REV3L: variants seen among roughly 807,000 people sequenced by gnomAD.
REV3L encodes the protein DNA polymerase zeta catalytic subunit.
A neutral mutation model predicts 299.4 loss-of-function variants in REV3L; 69 were observed. That is an observed-to-expected ratio of 0.23 (90% CI 0.19 to 0.28). REV3L has a LOEUF of 0.28. Among genes scored for constraint, REV3L ranks in the 10% least tolerant of loss-of-function variants. The pLI is 1.00. For synonymous variants in REV3L, 1,238 were observed against 1,271.4 expected, an observed-to-expected ratio of 0.97 and a Z score of 0.56; for missense variants, 3,128 against 3,693.8, an observed-to-expected ratio of 0.85 and a Z score of 3.97.
intron 1 of REV3L, among the ~76,000 whole-genome samples, chr6:111,423,989 G>C (rs1484581864): frequency 6.6e-6 from 1 of 152,210 alleles, no homozygotes; most frequent in African/African-American, 2.4e-5. Context: ...TTAAGAAAGA[G>C]ATCTGAGCTA....
intron 1 of REV3L, among the ~76,000 whole-genome samples, chr6:111,450,534 A>T (rs1789408832): frequency 6.6e-6 from 1 of 151,002 alleles, no homozygotes; most frequent in Admixed American, 6.7e-5. Flanking sequence ...CCTATGTTAC[A>T]TCTTTAAGCA....
chr6:111,467,461 T>C (rs549733302), intron 1 of REV3L, among the ~76,000 whole-genome samples: 12 of 152,328 alleles, frequency 7.9e-5, no homozygotes, highest in African/African-American at 2.9e-4. Context: ...AACATACCCA[T>C]GTGGTTGATT....
At chr6:111,357,885 G>A (rs1028374432) in intron 17 of REV3L, among the ~76,000 whole-genome samples, 7 of 152,116 alleles carry the variant, frequency 4.6e-5, no homozygotes, top group Non-Finnish European at 1.0e-4. Context: ...ATTTCATGAT[G>A]TAAGGACCCC....
intron 18 of REV3L, among the ~76,000 whole-genome samples, chr6:111,355,657 A>G (rs979548067): frequency 6.6e-6 from 1 of 152,156 alleles, no homozygotes; most frequent in African/African-American, 2.4e-5. Flanking sequence ...TAATCCTATC[A>G]TTGGGAATAT....
chr6:111,311,033 A>G, intron 29 of REV3L, 36 bp downstream of exon 29: 4 of 1,537,410 alleles, frequency 2.6e-6, no homozygotes, highest in Non-Finnish European at 3.5e-6. Flanking sequence ...GCAGAATCTC[A>G]GGACTATCCT....
intron 1 of REV3L, among the ~76,000 whole-genome samples, chr6:111,442,216 T>C (rs994024983): frequency 1.3e-5 from 2 of 152,368 alleles, no homozygotes; most frequent in East Asian, 1.9e-4. Context: ...ACTGATTTTC[T>C]ACCCACTTGT....
intron 2 of REV3L, among the ~76,000 whole-genome samples, chr6:111,413,661 G>A (rs1784478477): frequency 6.6e-6 from 1 of 151,712 alleles, no homozygotes; most frequent in African/African-American, 2.4e-5. Flanking sequence ...TAGAATGAAT[G>A]GGAAGGAAAA....
chr6:111,435,160 T>C (rs1485084621), intron 1 of REV3L, among the ~76,000 whole-genome samples: 1 of 152,168 alleles, frequency 6.6e-6, no homozygotes, highest in East Asian at 1.9e-4. Context: ...GAACTGTATG[T>C]AATTGCACCA....
At chr6:111,385,575 G>C (rs1247689717) in intron 9 of REV3L, among the ~76,000 whole-genome samples, 1 of 151,590 alleles carries the variant, frequency 6.6e-6, no homozygotes, top group African/African-American at 2.4e-5. Context: ...AAGGAATATT[G>C]GTAAACTTGA....
Position 111,299,903 on chromosome 6 carries a change from G to C in REV3L, c.*113C>G. ...AGCATAGAAGTCTTCATAGTCTTCA[G>C]ATAACAGACAGTGAACATCCTTGAC... On this transcript the variant is annotated 3_prime_UTR_variant, in exon 32 of 32. Coordinates refer to ENST00000368802, the MANE Select transcript of REV3L (RefSeq NM_001372078.1). 1.9e-6 allele frequency: 2 copies of C among 1,029,974 alleles called. No homozygotes were observed. The highest frequency in any genetic ancestry group is 2.8e-6 in the Non-Finnish European group (2 of 716,320). 63.8% of individuals were successfully genotyped at this position (1,029,974 alleles called of 1,614,324 possible). A position where few individuals can be genotyped will look rare whatever the true frequency, so the allele number is the denominator to read the frequency against.
intron 1 of REV3L, among the ~76,000 whole-genome samples, chr6:111,479,446 C>A (rs1793344227): frequency 6.6e-6 from 1 of 151,442 alleles, no homozygotes; most frequent in South Asian, 2.1e-4. Flanking sequence ...AATCAATATC[C>A]TCAGTTGGCA....
chr6:111,307,891 T>TCATCA (rs758979903), intron 30 of REV3L: 102 of 302,912 alleles, frequency 3.4e-4, no homozygotes, highest in Non-Finnish European at 7.0e-5. Flanking sequence ...ACCCATCAAC[T>TCATCA]CATCATTTAC....
intron 1 of REV3L, among the ~76,000 whole-genome samples, chr6:111,482,501 T>C (rs1793864458): frequency 1.3e-5 from 2 of 149,910 alleles, no homozygotes; most frequent in Admixed American, 1.3e-4. Flanking sequence ...ACACGCAGTC[T>C]AAACACGCGG....
At chr6:111,306,704 G>A (rs1772346502) in intron 31 of REV3L, among the ~76,000 whole-genome samples, 1 of 152,170 alleles carries the variant, frequency 6.6e-6, no homozygotes, top group Non-Finnish European at 1.5e-5. Context: ...ACTCAATCAT[G>A]CCATTAATCA....
rs548559268 is a variant in REV3L at position 111,365,375 on chromosome 6, A to G, written c.6674-31T>C. On this transcript the variant is annotated intron_variant, in intron 14 of 31. Transcript: ENST00000368802. ...GAAAGAAATTTAATATTTAACATGTATATCAAAATTACCTGCTTCTGGTTT... is the reference window on the plus strand; with the variant it reads ...GAAAGAAATTTAATATTTAACATGTGTATCAAAATTACCTGCTTCTGGTTT... 4.6e-6 allele frequency: 6 copies of G among 1,291,158 alleles called. No individual in the cohort carries two copies. The African/African-American group carries it at 9.1e-5, about 20-fold the overall frequency. The allele number at this position is 1,291,158 out of a possible 1,614,324, so 80.0% of individuals were successfully genotyped here.
intron 7 of REV3L, among the ~76,000 whole-genome samples, chr6:111,388,453 C>T (rs1226101374): frequency 6.6e-6 from 1 of 151,942 alleles, no homozygotes; most frequent in African/African-American, 2.4e-5. Context: ...ATTTTTAGTG[C>T]CTAAGATATA....
At position 111,392,978 on chromosome 6, in the gene REV3L, A is replaced by T. The variant is rs1370860929; in HGVS notation, c.566-6T>A. ...AGTTGCATGCAATGTATTACCTAGG[A>T]ATAGAAAGGTAAAAGGAATAAATTC... is the stretch of plus-strand genomic sequence containing the variant. On this transcript the variant is annotated splice_polypyrimidine_tract_variant and splice_region_variant and intron_variant, in intron 4 of 31. Coordinates refer to ENST00000368802, the MANE Select transcript of REV3L (RefSeq NM_001372078.1). 6.5e-7 allele frequency: 1 copy of T among 1,549,674 alleles called. No individual in the cohort carries two copies. Among genetic ancestry groups the T allele is most frequent in the South Asian group, 1.1e-5 (1 of 89,428 alleles).
chr6:111,313,247 G>T, intron 28 of REV3L, 105 bp downstream of exon 28: 3 of 937,018 alleles, frequency 3.2e-6, no homozygotes, highest in Non-Finnish European at 3.1e-6. Flanking sequence ...AATTATATAG[G>T]CTATAGTTCC....
intron 20 of REV3L, among the ~76,000 whole-genome samples, chr6:111,347,040 T>G (rs888961284): frequency 2.0e-5 from 3 of 151,998 alleles, no homozygotes. Flanking sequence ...GAGGCCGAGG[T>G]GGGCAGACCA....
Sources: gnomAD v4.1 joint callset for allele counts (sites outside exome capture counted in the v4.1 genomes callset) on GRCh38, gnomAD v4.1.1 for gene constraint, MANE v1.5 for transcripts, NCBI Gene and HGNC (gene_info 2026-07-23, HGNC 2026-07-21) for gene names.